DBN1: variants seen among roughly 807,000 people sequenced by gnomAD.
DBN1 encodes the protein drebrin 1.
Under a neutral mutation model 83.5 loss-of-function variants are expected in DBN1, and 21 were observed. The ratio of observed to expected loss-of-function variants is 0.25; its 90% CI spans 0.18 to 0.36. DBN1 has a LOEUF of 0.36. Among genes scored for constraint, DBN1 ranks in the 10% least tolerant of loss-of-function variants. The probability of loss-of-function intolerance (pLI) is 1.00; values close to 1 mark genes in which losing one functional copy is unlikely to be tolerated. For missense variants in DBN1, 874 were observed against 935.7 expected (o/e 0.93, Z 0.86); for synonymous variants, 381 against 384.9 (o/e 0.99, Z 0.12).
At chr5:177,459,436 C>T (rs896066143) in intron 11 of DBN1, among the ~76,000 whole-genome samples, 167 bp downstream of exon 11, 1 of 152,034 alleles carries the variant, frequency 6.6e-6, no homozygotes, top group Non-Finnish European at 1.5e-5. Context: ...GTAAGCTAGG[C>T]CCCTGGAGGC....
chr5:177,457,487 G>C lies in DBN1; in HGVS notation c.2034C>G (p.Cys678Trp). Residue 678 changes from cysteine to tryptophan, a missense_variant, in exon 15 of 15, where the codon TGC becomes TGG. By Grantham distance (215) the Cys-to-Trp change is radical. Transcript: ENST00000393565. ...YNKPPEIDIT[C>W]WDADPVPEEE... ...CTTCTGGAACTGGGTCTGCATCCCA[G>C]CATGTGATGTCGATCTCTGTGGCGT... 1.2e-6 allele frequency: 2 copies of C among 1,614,142 alleles called. No individual in the cohort carries two copies. The highest frequency in any genetic ancestry group is 1.7e-6 in the Non-Finnish European group (2 of 1,179,962).
chr5:177,472,130 GA>G (rs769246542), intron 1 of DBN1: 1 of 1,611,076 alleles, frequency 6.2e-7, no homozygotes, highest in East Asian at 2.2e-5. Context: ...TGCAGGACAC[GA>G]GAGCTTGTCT....
At chr5:177,463,730 C>T (rs1757209715) in intron 8 of DBN1, among the ~76,000 whole-genome samples, 1 of 152,228 alleles carries the variant, frequency 6.6e-6, no homozygotes, top group Non-Finnish European at 1.5e-5. Context: ...TAAGCTCCTT[C>T]AGACTTTACC....
chr5:177,465,317 T>C (rs1757369245), intron 8 of DBN1, among the ~76,000 whole-genome samples: 1 of 152,176 alleles, frequency 6.6e-6, no homozygotes. Flanking sequence ...CTAAGTGAAA[T>C]AAGCCACACG....
Position 177,468,594 on chromosome 5 carries a change from T to C in DBN1, c.142+250A>G, listed in dbSNP as rs938387083. The C allele has an allele frequency of 1.2e-5, 5 of 431,686 alleles. No homozygotes were observed. In the Admixed American group the frequency reaches 1.9e-4, roughly 16 times the overall value. 26.7% of individuals were successfully genotyped at this position (431,686 alleles called of 1,614,324 possible). A position where few individuals can be genotyped will look rare whatever the true frequency, so the allele number is the denominator to read the frequency against. On this transcript the variant is annotated intron_variant, in intron 2 of 14. Transcript: ENST00000393565. ...CCCTTCCCCCAAAGTGTCCCAGCTGTGTGGCTTCAGATAAGTCACTTTCCC... is the reference window on the plus strand; with the variant it reads ...CCCTTCCCCCAAAGTGTCCCAGCTGCGTGGCTTCAGATAAGTCACTTTCCC...
Position 177,458,235 on chromosome 5 carries a change from A to G in DBN1, c.1737T>C (p.Phe579=), listed in dbSNP as rs779854589. The G allele has an allele frequency of 9.3e-6, 15 of 1,613,350 alleles. No individual in the cohort carries two copies. The highest frequency in any genetic ancestry group is 6.6e-5 in the South Asian group (6 of 91,074). Residue 579 remains phenylalanine, a synonymous_variant, in exon 13 of 15, where the codon TTT becomes TTC. Transcript: ENST00000393565. ...TGGCTGGCGGCTCAGGCAGCTCATC[A>G]AAGTTGAGAAGGGTGGCACAGCCTT... ...AGEGCATLLN[F]DELPEPPATF...
At chr5:177,464,463 T>A (rs1012277038) in intron 8 of DBN1, among the ~76,000 whole-genome samples, 4 of 145,164 alleles carry the variant, frequency 2.8e-5, no homozygotes, top group South Asian at 2.2e-4. Flanking sequence ...TAAAAATAAA[T>A]AAATAAATAA....
At position 177,460,722 on chromosome 5, in the gene DBN1, G is replaced by C. The variant is rs764320348; in HGVS notation, c.772-19C>G. ...GGTCACCCTAGAAACCAAAGGGACA[G>C]TGTCTGGTGCACCTACCCCCCACAG... On this transcript the variant is annotated intron_variant, in intron 8 of 14. Transcript: ENST00000393565. 1.9e-6 allele frequency: 3 copies of C among 1,612,900 alleles called. No homozygotes were observed. Among genetic ancestry groups the C allele is most frequent in the South Asian group, 2.2e-5 (2 of 91,058 alleles).
chr5:177,460,758 C>T lies in DBN1; in HGVS notation c.772-55G>A, dbSNP rs1581719819. On this transcript the variant is annotated intron_variant, in intron 8 of 14. Transcript: ENST00000393565. The stretch of plus-strand genomic sequence containing the variant: ...ACCTACCCCCCACAGGGGCTTTTGG[C>T]CTTCTTTTTTACTGTATTTTATTTA... 13 of 1,565,886 alleles carry T rather than the reference C, an allele frequency of 8.3e-6. No individual in the cohort carries two copies. In the South Asian group the frequency reaches 1.1e-4, roughly 14 times the overall value.
At chr5:177,468,304 C>T (rs1757612455) in intron 2 of DBN1, 84 bp from the exon 3 acceptor site, 1 of 1,244,516 alleles carries the variant, frequency 8.0e-7, no homozygotes, top group African/African-American at 1.5e-5. Context: ...AAAGACTCCT[C>T]CAGGCCTCCA....
In DBN1 at chr5:177,457,434, T is replaced by A; in HGVS notation, c.2087A>T (p.Ter696LeuextTer6). Residue 696 changes from the stop codon to leucine, a stop_lost, in exon 15 of 15, where the codon TAG becomes TTG. Coordinates refer to ENST00000393565, the MANE Select transcript of DBN1 (RefSeq NM_001363541.2). ...EEEEGFEGGD[*>L] ...GGTAGCCTAGGGCTGGCGCCACCGC[T>A]AATCACCACCCTCGAAGCCCTCCTC... 6.2e-7 allele frequency: 1 copy of A among 1,613,864 alleles called. No individual in the cohort carries two copies. The highest frequency in any genetic ancestry group is 8.5e-7 in the Non-Finnish European group (1 of 1,179,774).
In DBN1 at chr5:177,460,736, T is replaced by C. The variant is rs1013566500; in HGVS notation, c.772-33A>G. 3.8e-6 allele frequency: 6 copies of C among 1,584,064 alleles called. No individual in the cohort carries two copies. In the East Asian group the frequency reaches 1.1e-4, roughly 30 times the overall value. On this transcript the variant is annotated intron_variant, in intron 8 of 14. Transcript: ENST00000393565. ...CCAAAGGGACAGTGTCTGGTGCACC[T>C]ACCCCCCACAGGGGCTTTTGGCCTT...
intron 8 of DBN1, among the ~76,000 whole-genome samples, chr5:177,465,642 G>C (rs1757392706): frequency 6.6e-6 from 1 of 152,072 alleles, no homozygotes; most frequent in Non-Finnish European, 1.5e-5. Flanking sequence ...GATCAACCGA[G>C]GTCAGGAGTT....
intron 8 of DBN1, among the ~76,000 whole-genome samples, chr5:177,462,753 G>A (rs1757141629): frequency 6.6e-6 from 1 of 152,176 alleles, no homozygotes; most frequent in South Asian, 2.1e-4. Context: ...TATGTCAGGA[G>A]CACTGGGAGA....
At position 177,460,840 on chromosome 5, in the gene DBN1, T is replaced by A. The variant is rs995853626; in HGVS notation, c.772-137A>T. The A allele has an allele frequency of 2.1e-5, 18 of 840,580 alleles. No homozygotes were observed. The South Asian group carries it at 2.6e-4, about 12-fold the overall frequency. The allele number at this position is 840,580 out of a possible 1,614,324, so 52.1% of individuals were successfully genotyped here. A position where few individuals can be genotyped will look rare whatever the true frequency, so the allele number is the denominator to read the frequency against. On this transcript the variant is annotated intron_variant, in intron 8 of 14. Coordinates refer to ENST00000393565, the MANE Select transcript of DBN1 (RefSeq NM_001363541.2). ...TACCACCCAGGCTGGGGAGCAGTGG[T>A]ACAATCACGGCTCACTGCAGCCTCT...
In DBN1 at chr5:177,466,876, G is replaced by C. The variant is rs752157092; in HGVS notation, c.707+35C>G. The C allele has an allele frequency of 3.1e-6, 5 of 1,613,716 alleles. No homozygotes were observed. In the South Asian group the frequency reaches 4.4e-5, roughly 14 times the overall value. On this transcript the variant is annotated intron_variant, in intron 7 of 14. Coordinates refer to ENST00000393565, the MANE Select transcript of DBN1 (RefSeq NM_001363541.2). The surrounding 1 kb of genome is among the most constrained non-coding windows in gnomAD (Gnocchi z 4.8). ...GCCAGCACCCGTCAGGGTGCGCCCG[G>C]GGGCCCCTGGAGCGCTCCGGGCGGG...
intron 1 of DBN1, 113 bp downstream of exon 1, chr5:177,473,323 C>A: frequency 1.8e-6 from 1 of 570,058 alleles, no homozygotes; most frequent in Non-Finnish European, 2.7e-6. Flanking sequence ...GCCCGCTGCA[C>A]CATTTCGGGG....
At chr5:177,468,298 A>C in intron 2 of DBN1, 78 bp from the exon 3 acceptor site, 4 of 1,318,822 alleles carry the variant, frequency 3.0e-6, no homozygotes, top group Non-Finnish European at 4.4e-6. Context: ...CAAAGCAAAG[A>C]CTCCTCCAGG....
intron 8 of DBN1, among the ~76,000 whole-genome samples, chr5:177,462,576 T>TACA (rs1561681626): frequency 6.6e-6 from 1 of 151,986 alleles, no homozygotes; most frequent in East Asian, 1.9e-4. Context: ...TCCGGGTGGG[T>TACA]GGCCAGCACA....
Sources: allele counts gnomAD v4.1 joint callset (sites outside exome capture counted in the v4.1 genomes callset), GRCh38; gene constraint gnomAD v4.1.1; non-coding constraint Gnocchi (gnomAD v3.1); transcripts MANE v1.5; gene names NCBI Gene and HGNC (gene_info 2026-07-23, HGNC 2026-07-21).